Variants in PCDHGB1 observed in about 807,000 individuals in gnomAD.
PCDHGB1 encodes protocadherin gamma subfamily B, 1.
In PCDHGB1, 34 loss-of-function variants were observed where a neutral mutation model predicts 56.6. The observed-to-expected ratio is 0.60, with a 90% confidence interval of 0.46 to 0.80. PCDHGB1 has a LOEUF of 0.80. PCDHGB1 is among the 30% of genes least tolerant of loss of function. The probability of loss-of-function intolerance (pLI) is 0.00; values close to 1 mark genes in which losing one functional copy is unlikely to be tolerated. For missense variants in PCDHGB1, 1,278 were observed against 1,204.6 expected, an observed-to-expected ratio of 1.06 and a Z score of -0.90; for synonymous variants, 561 against 505.9, an observed-to-expected ratio of 1.11 and a Z score of -1.46.
At position 141,476,409 on chromosome 5, in the gene PCDHGB1, G is replaced by A. The variant is rs1226666958; in HGVS notation, c.2410-18398G>A. The A allele has an allele frequency of 6.2e-7, 1 of 1,614,154 alleles. No homozygotes were observed. The highest frequency in any genetic ancestry group is 1.7e-5 in the Admixed American group (1 of 60,030). ...GACCGTCTGGATCGAGAGGAGCTGT[G>A]TGGGACACTGCCCTCTTGCACTGTA... is the stretch of plus-strand genomic sequence containing the variant. On this transcript the variant is annotated intron_variant, in intron 1 of 3. Coordinates refer to ENST00000523390, the MANE Select transcript of PCDHGB1 (RefSeq NM_018922.3). The surrounding 1 kb of genome is among the most constrained non-coding windows in gnomAD (Gnocchi z 7.6).
At chr5:141,413,109 A>G in intron 1 of PCDHGB1, 2 of 1,498,490 alleles carry the variant, frequency 1.3e-6, no homozygotes, top group African/African-American at 1.4e-5. Flanking sequence ...ACAGAAAGAC[A>G]AAGGAACCGG....
intron 1 of PCDHGB1, among the ~76,000 whole-genome samples, chr5:141,479,962 A>G: frequency 6.6e-6 from 1 of 152,226 alleles, no homozygotes; most frequent in Non-Finnish European, 1.5e-5. Context: ...GCAGTTAGTC[A>G]AATGAGGTTC....
intron 1 of PCDHGB1, chr5:141,409,931 A>G: frequency 1.2e-6 from 2 of 1,613,260 alleles, no homozygotes; most frequent in Non-Finnish European, 1.7e-6. Flanking sequence ...GTTCTTCGAT[A>G]TGGTACCTCG....
chr5:141,498,827 G>C (rs2099786072), intron 2 of PCDHGB1, among the ~76,000 whole-genome samples: 1 of 152,102 alleles, frequency 6.6e-6, no homozygotes, highest in Non-Finnish European at 1.5e-5. Context: ...CAGCTACTCA[G>C]GAGGCTGAGG....
In PCDHGB1 at chr5:141,352,225, G is replaced by C. The variant is rs1169707828; in HGVS notation, c.1965G>C (p.Thr655=). Reference sequence around the variant, plus strand: ...AGCCGCCACTCTCCGCCACCGCCACGCTGCACCTAATCTTCGCGGATAGCC... The same window carrying C: ...AGCCGCCACTCTCCGCCACCGCCACCCTGCACCTAATCTTCGCGGATAGCC... The part of the protein sequence containing the change: ...GGQPPLSATA[T]LHLIFADSLQ... The change falls in exon 1 of 4, where the codon ACG becomes ACC. Residue 655 remains threonine, a synonymous_variant. Transcript: ENST00000523390. The C allele has an allele frequency of 6.2e-7, 1 of 1,614,064 alleles. No individual in the cohort carries two copies. The highest frequency in any genetic ancestry group is 1.1e-5 in the South Asian group (1 of 91,088).
In PCDHGB1 at chr5:141,489,483, T is replaced by C. The variant is rs2099687756; in HGVS notation, c.2410-5324T>C. ...GCTATTTTTCCCTGAGCTTGATGAGTGGTGCCCTGGCAGTGAATCAAAAGA... is the reference window on the plus strand; with the variant it reads ...GCTATTTTTCCCTGAGCTTGATGAGCGGTGCCCTGGCAGTGAATCAAAAGA... On this transcript the variant is annotated intron_variant, in intron 1 of 3. Coordinates refer to ENST00000523390, the MANE Select transcript of PCDHGB1 (RefSeq NM_018922.3). This position sits in a 1 kb window ranked among gnomAD's most constrained non-coding sequence, Gnocchi z 4.5. 1 of 1,613,862 alleles carries C rather than the reference T, an allele frequency of 6.2e-7. No individual in the cohort carries two copies. The highest frequency in any genetic ancestry group is 1.1e-5 in the South Asian group (1 of 91,078).
rs757842052 is a variant in PCDHGB1, at chr5:141,350,411, G to T, written c.151G>T (p.Asp51Tyr). 1.2e-6 allele frequency: 2 copies of T among 1,605,198 alleles called. No individual in the cohort carries two copies. The highest frequency in any genetic ancestry group is 2.2e-5 in the East Asian group (1 of 44,690). ...NGSRVGKLAK[D>Y]LGLSVRELPT... is the part of the protein sequence containing the mutation. Reference sequence around the variant, plus strand: ...CTCACGGGTGGGGAAACTTGCCAAGGATCTGGGGCTCAGTGTCCGGGAGTT... The same window carrying T: ...CTCACGGGTGGGGAAACTTGCCAAGTATCTGGGGCTCAGTGTCCGGGAGTT... The change falls in exon 1 of 4, where the codon GAT becomes TAT. Residue 51 changes from aspartate (D) to tyrosine (Y), a missense_variant. Asp to Tyr is a radical substitution (Grantham distance 160, BLOSUM62 -3). Coordinates refer to ENST00000523390, the MANE Select transcript of PCDHGB1 (RefSeq NM_018922.3).
chr5:141,361,258 G>A (rs957502744), intron 1 of PCDHGB1: 9 of 1,613,960 alleles, frequency 5.6e-6, no homozygotes, highest in South Asian at 1.1e-5. Context: ...GAGAGACAGA[G>A]ACTCTGGAGA....
intron 1 of PCDHGB1, chr5:141,439,852 G>A (rs182049678): frequency 1.3e-5 from 2 of 152,474 alleles, no homozygotes; most frequent in African/African-American, 4.8e-5. Context: ...CTGTGGAAAA[G>A]GTGGGGAATG....
intron 1 of PCDHGB1, chr5:141,428,279 C>A: frequency 2.7e-6 from 2 of 753,232 alleles, no homozygotes; most frequent in South Asian, 3.0e-5. Context: ...CCCTCTGATT[C>A]CCAAGCAAAG....
rs1223986597 is a variant in PCDHGB1, at chr5:141,417,300, A to G, written c.2409+64631A>G. The G allele has an allele frequency of 2.0e-5, 3 of 152,440 alleles. No homozygotes were observed. In the East Asian group the frequency reaches 5.8e-4, roughly 29 times the overall value. The allele number at this position is 152,440 out of a possible 1,614,324, so 9.4% of individuals were successfully genotyped here. ...AAGGAACAAGAATGACTGCCTCTGG[A>G]TGGAGGAATTGGATAGCAATGGGCC... On this transcript the variant is annotated intron_variant, in intron 1 of 3. Coordinates refer to ENST00000523390, the MANE Select transcript of PCDHGB1 (RefSeq NM_018922.3).
intron 1 of PCDHGB1, chr5:141,366,326 G>T: frequency 6.2e-7 from 1 of 1,613,810 alleles, no homozygotes. Flanking sequence ...TGCCGTGGCC[G>T]ACAGGATCCC....
In PCDHGB1 at chr5:141,432,296, G is replaced by T; in HGVS notation, c.2410-62511G>T. On this transcript the variant is annotated intron_variant, in intron 1 of 3. Coordinates refer to ENST00000523390, the MANE Select transcript of PCDHGB1 (RefSeq NM_018922.3). This position sits in a 1 kb window ranked among gnomAD's most constrained non-coding sequence, Gnocchi z 6.0. ...CGTGTCCATCAACTCCGACACTGGG[G>T]TACTGTATGCGCTGAGCTCCTTCGA... 1 of 1,614,224 alleles carries T rather than the reference G, an allele frequency of 6.2e-7. No individual in the cohort carries two copies. Among genetic ancestry groups the T allele is most frequent in the Non-Finnish European group, 8.5e-7 (1 of 1,180,044 alleles).
intron 1 of PCDHGB1, chr5:141,361,317 G>T (rs1244166990): frequency 6.2e-7 from 1 of 1,613,944 alleles, no homozygotes. Flanking sequence ...AGTTTATTTT[G>T]AAATCTTCCT....
chr5:141,421,243 C>T (rs201273667), intron 1 of PCDHGB1: 12 of 1,601,540 alleles, frequency 7.5e-6, no homozygotes, highest in Non-Finnish European at 1.0e-5. Flanking sequence ...GAATCGGCTA[C>T]AGCGCGGGGA....
chr5:141,383,027 C>A lies in PCDHGB1; in HGVS notation c.2409+30358C>A, dbSNP rs752703068. 3 of 1,613,838 alleles carry A rather than the reference C, an allele frequency of 1.9e-6. No homozygotes were observed. In the South Asian group the frequency reaches 3.3e-5, roughly 18 times the overall value. ...GTGTCGGAGGAGACGGACAAAGGGTCCTTTGTGGGAGACATCGCCAAGGAC... is the reference window on the plus strand; with the variant it reads ...GTGTCGGAGGAGACGGACAAAGGGTACTTTGTGGGAGACATCGCCAAGGAC... On this transcript the variant is annotated intron_variant, in intron 1 of 3. Coordinates refer to ENST00000523390, the MANE Select transcript of PCDHGB1 (RefSeq NM_018922.3).
chr5:141,399,946 G>A (rs911365297), intron 1 of PCDHGB1: 1 of 1,612,270 alleles, frequency 6.2e-7, no homozygotes, highest in African/African-American at 1.3e-5. Context: ...CGTGCTGCAG[G>A]CTAGCGAGCC....
At chr5:141,436,211 C>T (rs12108692) in intron 1 of PCDHGB1, among the ~76,000 whole-genome samples, 2,997 of 152,100 alleles carry the variant, frequency 0.02, 43 homozygotes, top group African/African-American at 0.029. Flanking sequence ...AATAGGAAAA[C>T]AAATGACTTG....
At chr5:141,377,605 C>CAAAA (rs71576112) in intron 1 of PCDHGB1, 1 of 140,670 alleles carries the variant, frequency 7.1e-6, no homozygotes. Flanking sequence ...CTCTCTCTCT[C>CAAAA]AAAAAAAAAA....
Sources: allele counts gnomAD v4.1 joint callset (sites outside exome capture counted in the v4.1 genomes callset), GRCh38; gene constraint gnomAD v4.1.1; non-coding constraint Gnocchi (gnomAD v3.1); transcripts MANE v1.5; gene names NCBI Gene and HGNC (gene_info 2026-07-23, HGNC 2026-07-21).